The following TSPAN7 variants were observed in gnomAD, a reference collection of about 807,000 sequenced individuals.
TSPAN7 encodes the protein tetraspanin 7.
Under a neutral mutation model 17.6 loss-of-function variants are expected in TSPAN7, and 1 was observed. That is an observed-to-expected ratio of 0.06 (90% CI 0.02 to 0.27). The LOEUF is 0.27. Ranked by LOEUF, TSPAN7 falls within the 10% of genes least tolerant of loss-of-function variation. The pLI, the probability that TSPAN7 is intolerant of heterozygous loss-of-function variation, is 1.00. For synonymous variants in TSPAN7, 78 were observed against 79.0 expected, an observed-to-expected ratio of 0.99 and a Z score of 0.07; for missense variants, 112 against 201.7, an observed-to-expected ratio of 0.56 and a Z score of 2.69.
At chrX:38,584,859 C>G (rs1199923220) in intron 1 of TSPAN7, among the ~76,000 whole-genome samples, 1 of 111,913 alleles carries the variant, frequency 8.9e-6, no homozygotes, top group Non-Finnish European at 1.9e-5. Context: ...TATTTACCAT[C>G]TCCTTGATTT....
chrX:38,622,362 A>T (rs2069492896), intron 1 of TSPAN7, among the ~76,000 whole-genome samples: 1 of 111,859 alleles, frequency 8.9e-6, no homozygotes, highest in Non-Finnish European at 1.9e-5. Flanking sequence ...TCTGGGCAAC[A>T]TAGTGAGACC....
At chrX:38,626,678 G>A (rs2069524575) in intron 1 of TSPAN7, among the ~76,000 whole-genome samples, 2 of 112,120 alleles carry the variant, frequency 1.8e-5, no homozygotes. Flanking sequence ...CAAAATAACT[G>A]AGTAACAATG....
At chrX:38,646,360 G>A (rs1340891189) in intron 1 of TSPAN7, 2 of 1,072,954 alleles carry the variant, frequency 1.9e-6, no homozygotes, top group Non-Finnish European at 2.5e-6. Flanking sequence ...ATTAATGTGT[G>A]TAGCTGTGGG....
At chrX:38,610,519 A>C (rs1006830713) in intron 1 of TSPAN7, among the ~76,000 whole-genome samples, 2 of 111,605 alleles carry the variant, frequency 1.8e-5, no homozygotes, top group Admixed American at 1.9e-4. Flanking sequence ...GGAGCTTTCC[A>C]AACTCAACCC....
At chrX:38,563,574 G>T (rs1461312871) in intron 1 of TSPAN7, among the ~76,000 whole-genome samples, 2 of 110,870 alleles carry the variant, frequency 1.8e-5, no homozygotes, top group African/African-American at 6.6e-5. Context: ...TAAAGAAGGG[G>T]GTCTTCCAGG....
chrX:38,581,013 A>G (rs2069224492), intron 1 of TSPAN7, among the ~76,000 whole-genome samples: 1 of 112,565 alleles, frequency 8.9e-6, no homozygotes, highest in Non-Finnish European at 1.9e-5. Context: ...CGCAAAGGTC[A>G]AAGTTTACAA....
intron 5 of TSPAN7, among the ~76,000 whole-genome samples, chrX:38,678,997 T>C (rs1262206566): frequency 8.9e-6 from 1 of 111,862 alleles, no homozygotes; most frequent in Non-Finnish European, 1.9e-5. Context: ...ATACTGCTCA[T>C]TCAAGATCCA....
intron 1 of TSPAN7, among the ~76,000 whole-genome samples, chrX:38,629,964 G>A (rs180993037): frequency 4.5e-5 from 5 of 111,560 alleles, no homozygotes; most frequent in Non-Finnish European, 9.4e-5. Context: ...TTGTATAGTT[G>A]CAGCCAGAAT....
At chrX:38,571,205 A>T (rs2147395122) in intron 1 of TSPAN7, among the ~76,000 whole-genome samples, 1 of 111,126 alleles carries the variant, frequency 9.0e-6, no homozygotes, top group Non-Finnish European at 1.9e-5. Flanking sequence ...ATACTAGAGG[A>T]TGATGAGATG....
At chrX:38,658,839 G>A (rs1253047098) in intron 1 of TSPAN7, among the ~76,000 whole-genome samples, 1 of 111,400 alleles carries the variant, frequency 9.0e-6, no homozygotes, top group Non-Finnish European at 1.9e-5. Flanking sequence ...ATAGAAAACA[G>A]AGCCTGGACC....
intron 1 of TSPAN7, among the ~76,000 whole-genome samples, chrX:38,595,355 G>C (rs1336925115): frequency 1.8e-5 from 2 of 111,706 alleles, no homozygotes; most frequent in Non-Finnish European, 3.8e-5. Flanking sequence ...TTTATCCCTT[G>C]AGCATTACAT....
chrX:38,572,403 G>T (rs186585857), intron 1 of TSPAN7, among the ~76,000 whole-genome samples: 4 of 111,821 alleles, frequency 3.6e-5, no homozygotes, highest in African/African-American at 1.3e-4. Context: ...TTGATGATTA[G>T]TCTGAGGTGA....
intron 1 of TSPAN7, among the ~76,000 whole-genome samples, chrX:38,631,477 A>G (rs1308900313): frequency 8.9e-6 from 1 of 111,996 alleles, no homozygotes; most frequent in Non-Finnish European, 1.9e-5. Flanking sequence ...TGTCTTTTAT[A>G]TAGAAAGTTC....
rs34201318 is a variant in TSPAN7, at chrX:38,651,050, C to CATATATATATATATAT, written c.82-15063_82-15048dup. Among the ~76,000 whole-genome samples, 350 of 98,066 alleles carry CATATATATATATATAT rather than the reference C, an allele frequency of 3.6e-3. 4 individuals are homozygous for CATATATATATATATAT. Among genetic ancestry groups the CATATATATATATATAT allele is most frequent in the African/African-American group, 0.013 (336 of 26,325 alleles). The allele number at this position is 98,066 out of a possible 115,157, so 85.2% of individuals were successfully genotyped here. A position where few individuals can be genotyped will look rare whatever the true frequency, so the allele number is the denominator to read the frequency against. On this transcript the variant is annotated intron_variant, in intron 1 of 7. Transcript: ENST00000378482. Reference sequence around the variant, plus strand: ...TATTTCATTATCAGAAATGTGATTACATATATATATATATATATATATAGT... The same window carrying CATATATATATATATAT: ...TATTTCATTATCAGAAATGTGATTACATATATATATATATATATATATATATATATATATATATAGT...
intron 1 of TSPAN7, among the ~76,000 whole-genome samples, chrX:38,620,392 G>A (rs776669750): frequency 6.5e-4 from 73 of 111,827 alleles, no homozygotes; most frequent in African/African-American, 2.4e-3. Flanking sequence ...CTGTGAGATA[G>A]GCTCTGAACA....
chrX:38,612,261 C>T (rs779732591), intron 1 of TSPAN7: 5 of 111,837 alleles, frequency 4.5e-5, no homozygotes, highest in Non-Finnish European at 9.4e-5. Context: ...GGCTGCTCTG[C>T]GTTTCCTACT....
intron 1 of TSPAN7, among the ~76,000 whole-genome samples, chrX:38,608,809 C>T (rs1569306313): frequency 9.0e-6 from 1 of 111,496 alleles, no homozygotes; most frequent in East Asian, 2.8e-4. Flanking sequence ...ATCCTTATTT[C>T]CCACAAAAAT....
intron 1 of TSPAN7, among the ~76,000 whole-genome samples, chrX:38,640,954 A>G (rs2069608284): frequency 8.9e-6 from 1 of 112,273 alleles, no homozygotes; most frequent in African/African-American, 3.2e-5. Flanking sequence ...TTTAATACCC[A>G]CTATACCTCT....
At chrX:38,578,994 C>A (rs2069212086) in intron 1 of TSPAN7, among the ~76,000 whole-genome samples, 1 of 110,951 alleles carries the variant, frequency 9.0e-6, no homozygotes, top group Non-Finnish European at 1.9e-5. Context: ...GTAACAAATC[C>A]TGAGGGGGAT....
Sources: gnomAD v4.1 joint callset for allele counts (sites outside exome capture counted in the v4.1 genomes callset) on GRCh38, gnomAD v4.1.1 for gene constraint, MANE v1.5 for transcripts, NCBI Gene and HGNC (gene_info 2026-07-23, HGNC 2026-07-21) for gene names.